PLAT: variants seen among roughly 807,000 people sequenced by gnomAD.
The protein encoded by PLAT is tissue-type plasminogen activator.
In PLAT, 48 loss-of-function variants were observed where a neutral mutation model predicts 74.9. The observed-to-expected ratio is 0.64, with a 90% confidence interval of 0.51 to 0.82. The LOEUF (loss-of-function observed/expected upper bound fraction) is 0.82. PLAT is among the 40% of genes least tolerant of loss of function. The probability of loss-of-function intolerance (pLI) is 0.00; values close to 1 mark genes in which losing one functional copy is unlikely to be tolerated. For missense variants in PLAT, 673 were observed against 736.2 expected, an observed-to-expected ratio of 0.91 and a Z score of 0.99; for synonymous variants, 307 against 294.4, an observed-to-expected ratio of 1.04 and a Z score of -0.44.
At chr8:42,194,997 C>T (rs1457673983) in intron 1 of PLAT, among the ~76,000 whole-genome samples, 1 of 152,138 alleles carries the variant, frequency 6.6e-6, no homozygotes, top group Admixed American at 6.5e-5. Context: ...GTTAGTCGGC[C>T]GGGTGTTATT....
intron 4 of PLAT, chr8:42,188,431 C>G (rs1222301685): frequency 5.9e-6 from 1 of 170,320 alleles, no homozygotes; most frequent in African/African-American, 2.4e-5. Flanking sequence ...GGGCATTTGC[C>G]CAAGGTCACT....
At chr8:42,199,188 G>A (rs1391544232) in intron 1 of PLAT, among the ~76,000 whole-genome samples, 1 of 152,202 alleles carries the variant, frequency 6.6e-6, no homozygotes, top group African/African-American at 2.4e-5. Flanking sequence ...TTTCGAAAAG[G>A]TGATTTTCTA....
chr8:42,187,074 C>T (rs913744618), intron 6 of PLAT: 1 of 230,096 alleles, frequency 4.3e-6, no homozygotes, highest in Non-Finnish European at 8.5e-6. Flanking sequence ...ATCTATGTAT[C>T]TATCATCTAT....
At chr8:42,180,203 G>A (rs754960574) in intron 11 of PLAT, 39 bp downstream of exon 11, 2 of 1,612,506 alleles carry the variant, frequency 1.2e-6, no homozygotes, top group Admixed American at 3.3e-5. Flanking sequence ...TGTGTTGTGT[G>A]ATCTGTATGA....
chr8:42,202,387 T>G (rs1198722875), intron 1 of PLAT, among the ~76,000 whole-genome samples: 2 of 152,046 alleles, frequency 1.3e-5, no homozygotes, highest in Non-Finnish European at 2.9e-5. Context: ...TCCCAGTCCC[T>G]GTCCCCTGCC....
intron 3 of PLAT, among the ~76,000 whole-genome samples, chr8:42,190,112 G>A (rs1180367478): frequency 1.3e-5 from 2 of 151,854 alleles, no homozygotes; most frequent in Admixed American, 1.3e-4. Flanking sequence ...GGGTGGGGTG[G>A]GGGAGGCAGA....
At position 42,178,268 on chromosome 8, in the gene PLAT, T is replaced by TC. The variant is rs199671525; in HGVS notation, c.1530+628_1530+629insG. Among the ~76,000 whole-genome samples, 1,427 of 143,510 alleles carry TC rather than the reference T, an allele frequency of 9.9e-3. 18 individuals are homozygous for TC. Among genetic ancestry groups the TC allele is most frequent in the African/African-American group, 0.033 (1,289 of 39,560 alleles). The allele number at this position is 143,510 out of a possible 152,430, so 94.1% of individuals were successfully genotyped here. Reference sequence around the variant, plus strand: ...AACAGAGGCAAACATTTCTTTCTTTTTTTTTTTTTTTTTTTTTTTGAGATC... The same window carrying TC: ...AACAGAGGCAAACATTTCTTTCTTTTCTTTTTTTTTTTTTTTTTTTGAGATC... On this transcript the variant is annotated intron_variant, in intron 13 of 13. Transcript: ENST00000220809.
intron 1 of PLAT, among the ~76,000 whole-genome samples, chr8:42,193,936 G>A (rs1258457301): frequency 3.3e-5 from 5 of 151,512 alleles, no homozygotes; most frequent in Non-Finnish European, 7.4e-5. Context: ...GGATGGTCTC[G>A]ATCTCCTGAC....
Position 42,187,496 on chromosome 8 carries a change from C to T in PLAT, c.441G>A (p.Glu147=). 6.2e-7 allele frequency: 1 copy of T among 1,611,306 alleles called. No individual in the cohort carries two copies. ...GTWSTAESGA[E]CTNWNSSALA... Reference sequence around the variant, plus strand: ...ACGCGCTGCTGTTCCAGTTGGTGCACTCGGCGCCACTCTCCGCTGTGCTCC... The same window carrying T: ...ACGCGCTGCTGTTCCAGTTGGTGCATTCGGCGCCACTCTCCGCTGTGCTCC... Residue 147 remains glutamate (E), a synonymous_variant, in exon 6 of 14, where the codon GAG becomes GAA. Transcript: ENST00000220809.
intron 1 of PLAT, among the ~76,000 whole-genome samples, chr8:42,194,055 T>C (rs1010554158): frequency 1.6e-5 from 2 of 128,524 alleles, no homozygotes; most frequent in Non-Finnish European, 3.3e-5. Context: ...TCTTTCTTTT[T>C]TTTTTTTTTT....
At chr8:42,197,962 C>T (rs1303105360) in intron 1 of PLAT, among the ~76,000 whole-genome samples, 2 of 152,142 alleles carry the variant, frequency 1.3e-5, no homozygotes, top group Admixed American at 6.5e-5. Context: ...TGAGAACATA[C>T]GACATGGGGA....
At chr8:42,179,133 A>C in intron 12 of PLAT, 70 bp from the exon 13 acceptor site, 1 of 1,077,606 alleles carries the variant, frequency 9.3e-7, no homozygotes, top group Non-Finnish European at 1.4e-6. Context: ...GAGAAAGCCA[A>C]ATTTTCCAAT....
rs146761376 is a variant in PLAT at position 42,194,564 on chromosome 8, C to T, written c.-26-1353G>A. 2.9e-3 allele frequency among the ~76,000 whole-genome samples: 446 copies of T among 152,328 alleles called. 7 individuals are homozygous for T. Among genetic ancestry groups the T allele is most frequent in the African/African-American group, 0.01 (423 of 41,574 alleles). Reference sequence around the variant, plus strand: ...TCTTGGCAGCCCAGAGACCACAGCGCTCTGGCTTGGTTTCCTGGAAGGGAA... The same window carrying T: ...TCTTGGCAGCCCAGAGACCACAGCGTTCTGGCTTGGTTTCCTGGAAGGGAA... On this transcript the variant is annotated intron_variant, in intron 1 of 13. Transcript: ENST00000220809.
At chr8:42,192,160 C>T (rs1587938549) in intron 2 of PLAT, among the ~76,000 whole-genome samples, 1 of 151,868 alleles carries the variant, frequency 6.6e-6, no homozygotes, top group African/African-American at 2.4e-5. Context: ...CATACTAGTA[C>T]ACCCGGCTAA....
chr8:42,193,063 C>T (rs775919478), intron 2 of PLAT, 51 bp downstream of exon 2: 6 of 1,320,896 alleles, frequency 4.5e-6, no homozygotes, highest in African/African-American at 1.4e-5. Context: ...CTGGAGCCTC[C>T]GGAAGCATCA....
At position 42,180,312 on chromosome 8, in the gene PLAT, C is replaced by T. The variant is rs2979892; in HGVS notation, c.1152G>A (p.Glu384=). The change falls in exon 11 of 14, where the codon GAG becomes GAA. Residue 384 remains glutamate, a synonymous_variant. Coordinates refer to ENST00000220809, the MANE Select transcript of PLAT (RefSeq NM_000930.5). ...TGTATTTTTCGACTTCAAATTTCTGCTCCTCCTCGCCAGGGACCACCCGGT... is the reference window on the plus strand; with the variant it reads ...TGTATTTTTCGACTTCAAATTTCTGTTCCTCCTCGCCAGGGACCACCCGGT... ...RTYRVVPGEE[E]QKFEVEKYIV... The T allele has an allele frequency of 1.2e-6, 2 of 1,614,202 alleles. No homozygotes were observed. Among genetic ancestry groups the T allele is most frequent in the South Asian group, 1.1e-5 (1 of 91,088 alleles).
intron 1 of PLAT, among the ~76,000 whole-genome samples, chr8:42,198,193 A>T (rs1241992150): frequency 6.6e-6 from 1 of 152,016 alleles, no homozygotes. Context: ...AAAACATTTT[A>T]AAAATAGATT....
At chr8:42,188,110 C>A in intron 4 of PLAT, 94 bp from the exon 5 acceptor site, 1 of 696,984 alleles carries the variant, frequency 1.4e-6, no homozygotes, top group Non-Finnish European at 2.5e-6. Context: ...AATCCACACA[C>A]ACTCAAGTCC....
At chr8:42,204,092 A>G (rs1459914987) in intron 1 of PLAT, among the ~76,000 whole-genome samples, 1 of 151,478 alleles carries the variant, frequency 6.6e-6, no homozygotes, top group East Asian at 1.9e-4. Context: ...CTGAGCCACT[A>G]TCGGAAGACC....
Sources: allele counts gnomAD v4.1 joint callset (sites outside exome capture counted in the v4.1 genomes callset), GRCh38; gene constraint gnomAD v4.1.1; transcripts MANE v1.5; gene names NCBI Gene and HGNC (gene_info 2026-07-23, HGNC 2026-07-21).